RASGRF1: variants seen among roughly 807,000 people sequenced by gnomAD.
RASGRF1 encodes the protein Ras protein specific guanine nucleotide releasing factor 1, also known as ras-specific guanine nucleotide-releasing factor 1.
A neutral mutation model predicts 138.7 loss-of-function variants in RASGRF1; 40 were observed. The observed-to-expected ratio is 0.29, with a 90% CI of 0.22 to 0.38. The LOEUF is 0.38. Ranked by LOEUF, RASGRF1 falls within the 10% of genes least tolerant of loss-of-function variation. The pLI is 1.00. For synonymous variants in RASGRF1, 614 were observed against 663.2 expected (o/e 0.93, Z 1.14); for missense variants, 1,108 against 1,650.4 (o/e 0.67, Z 5.69).
chr15:78,971,360 A>G (rs1452316109), intron 26 of RASGRF1, among the ~76,000 whole-genome samples: 1 of 152,236 alleles, frequency 6.6e-6, no homozygotes, highest in African/African-American at 2.4e-5. Context: ...ATGATCTCCA[A>G]GATATATTAT....
intron 13 of RASGRF1, among the ~76,000 whole-genome samples, chr15:79,007,883 T>C (rs979263513): frequency 5.9e-5 from 9 of 151,368 alleles, no homozygotes; most frequent in Admixed American, 3.3e-4. Context: ...TTTTTTCTGT[T>C]TTTTGAGATG....
intron 24 of RASGRF1, chr15:78,979,238 G>T: frequency 8.3e-7 from 1 of 1,209,524 alleles, no homozygotes; most frequent in Non-Finnish European, 1.1e-6. Flanking sequence ...AGATGGTCAA[G>T]GCGATGGCAC....
In RASGRF1 at chr15:78,987,826, G is replaced by A. The variant is rs143317230; in HGVS notation, c.3216+2363C>T. On this transcript the variant is annotated intron_variant, in intron 22 of 26. Transcript: ENST00000558480. ...GACTAGGGTGAGGCAGTTGAGGTGTGGGGTACAAGTGCAGAAGGGCGAGTA... is the reference window on the plus strand; with the variant it reads ...GACTAGGGTGAGGCAGTTGAGGTGTAGGGTACAAGTGCAGAAGGGCGAGTA... 2.5e-3 allele frequency among the ~76,000 whole-genome samples: 385 copies of A among 152,308 alleles called. 3 individuals carry two copies. The highest frequency in any genetic ancestry group is 9.0e-3 in the African/African-American group (375 of 41,558).
Position 79,021,086 on chromosome 15 carries a change from T to A in RASGRF1, c.1543-982A>T, listed in dbSNP as rs80017568. Among the ~76,000 whole-genome samples, 1,224 of 152,302 alleles carry A rather than the reference T, an allele frequency of 8.0e-3. 6 individuals carry two copies. Among genetic ancestry groups the A allele is most frequent in the Admixed American group, 0.017 (260 of 15,290 alleles). On this transcript the variant is annotated intron_variant, in intron 10 of 26. Coordinates refer to ENST00000558480, the MANE Select transcript of RASGRF1 (RefSeq NM_001145648.3). ...TGGAAAAGGATACCCCGGCCCCAGT[T>A]GAACCTTCGGAACACTGCAGCCCCA...
chr15:78,990,713 C>A (rs1290197632), intron 21 of RASGRF1, among the ~76,000 whole-genome samples: 1 of 152,174 alleles, frequency 6.6e-6, no homozygotes, highest in Non-Finnish European at 1.5e-5. Context: ...GCTTAAAAAG[C>A]CTGCAAGCCA....
intron 23 of RASGRF1, 32 bp downstream of exon 23, chr15:78,984,975 G>A (rs368817921): frequency 6.2e-7 from 1 of 1,600,966 alleles, no homozygotes; most frequent in African/African-American, 1.3e-5. Flanking sequence ...TCCAGCCCCA[G>A]GGAGGCAGTG....
At chr15:78,981,470 A>C (rs1048484392) in intron 23 of RASGRF1, 2 of 152,200 alleles carry the variant, frequency 1.3e-5, no homozygotes, top group African/African-American at 4.8e-5. Context: ...CAAGATTCAG[A>C]ATGTGGCTGA....
chr15:79,007,865 C>CTT (rs576133293), intron 13 of RASGRF1, among the ~76,000 whole-genome samples: 11 of 142,464 alleles, frequency 7.7e-5, no homozygotes, highest in Non-Finnish European at 1.1e-4. Context: ...TCTAGTTTTT[C>CTT]TTTTTTTTTT....
Position 79,001,782 on chromosome 15 carries a change from C to A in RASGRF1, c.2455G>T (p.Glu819Ter). The A allele has an allele frequency of 6.8e-7, 1 of 1,477,018 alleles. No individual in the cohort carries two copies. The highest frequency in any genetic ancestry group is 2.0e-5 in the Admixed American group (1 of 49,712). The allele number at this position is 1,477,018 out of a possible 1,614,324, so 91.5% of individuals were successfully genotyped here. ...DPSALSKQSS[E>*]VSMREESDID... ...TCTGACTCCTCTCTCATGGAGACTT[C>A]TGAGCCTGGGAGAAAAGAAATAAAT... Residue 819 changes from glutamate (E) to a stop codon, truncating the protein, a stop_gained, in exon 16 of 27, where the codon GAA becomes TAA. Transcript: ENST00000558480. LOFTEE classifies it high-confidence loss of function.
At chr15:78,984,950 C>T (rs2056116963) in intron 23 of RASGRF1, 57 bp downstream of exon 23, 1 of 1,564,798 alleles carries the variant, frequency 6.4e-7, no homozygotes, top group African/African-American at 1.4e-5. Context: ...ACGGGTCTTC[C>T]TGCCCTAGCC....
chr15:79,069,257 C>T (rs1449098086), intron 1 of RASGRF1, among the ~76,000 whole-genome samples: 1 of 152,158 alleles, frequency 6.6e-6, no homozygotes, highest in Non-Finnish European at 1.5e-5. Flanking sequence ...TGATGACATC[C>T]TGATGAGGCA....
intron 16 of RASGRF1, among the ~76,000 whole-genome samples, chr15:79,001,301 C>T (rs2056518041): frequency 1.3e-5 from 2 of 150,066 alleles, no homozygotes; most frequent in African/African-American, 5.0e-5. Flanking sequence ...CCCACCTGTG[C>T]TGGGGTTCAG....
intron 13 of RASGRF1, among the ~76,000 whole-genome samples, chr15:79,008,519 T>C (rs2056730941): frequency 6.6e-6 from 1 of 152,240 alleles, no homozygotes; most frequent in Non-Finnish European, 1.5e-5. Context: ...CTATGGGACC[T>C]TGAGAAGCAA....
intron 1 of RASGRF1, among the ~76,000 whole-genome samples, chr15:79,078,481 G>A (rs759542482): frequency 4.6e-5 from 7 of 152,184 alleles, no homozygotes; most frequent in Non-Finnish European, 8.8e-5. Context: ...AATACTTCCT[G>A]CACTTGTGGG....
At chr15:78,984,798 A>T in intron 23 of RASGRF1, 1 of 587,794 alleles carries the variant, frequency 1.7e-6, no homozygotes, top group Admixed American at 2.8e-5. Context: ...TCAAGTGGGG[A>T]TTACAGTCCA....
intron 1 of RASGRF1, among the ~76,000 whole-genome samples, chr15:79,083,274 C>T (rs999890180): frequency 6.6e-6 from 1 of 152,238 alleles, no homozygotes; most frequent in Admixed American, 6.5e-5. Flanking sequence ...CCCAGCTGCT[C>T]CCTGCACGAC....
intron 1 of RASGRF1, among the ~76,000 whole-genome samples, chr15:79,075,486 T>G (rs755283943): frequency 1.1e-4 from 17 of 152,122 alleles, no homozygotes; most frequent in Non-Finnish European, 1.5e-4. Flanking sequence ...CCCAGGTCAG[T>G]CTGGAGCTGG....
rs1053942657 is a variant in RASGRF1 at position 78,967,132 on chromosome 15, T to A, written c.3681+4734A>T. ...GGCAGACCCTGTCTCTATAAAAAAA[T>A]AAAAAATTAGCTGGGTGTGGTCATA... is the stretch of plus-strand genomic sequence containing the variant. On this transcript the variant is annotated intron_variant, in intron 26 of 26. Transcript: ENST00000558480. 2.0e-4 allele frequency among the ~76,000 whole-genome samples: 31 copies of A among 151,478 alleles called. 1 individual carries two copies. The highest frequency in any genetic ancestry group is 6.6e-4 in the Admixed American group (10 of 15,216).
Position 79,090,732 on chromosome 15 carries a change from CG to C in RASGRF1, c.-235del. The C allele has an allele frequency of 5.2e-6, 3 of 576,044 alleles. No individual in the cohort carries two copies. Among genetic ancestry groups the C allele is most frequent in the Non-Finnish European group, 8.8e-6 (3 of 340,490 alleles). 35.7% of individuals were successfully genotyped at this position (576,044 alleles called of 1,614,324 possible). A position where few individuals can be genotyped will look rare whatever the true frequency, so the allele number is the denominator to read the frequency against. The stretch of plus-strand genomic sequence containing the variant: ...CTCCGCTCCGCAGAGCCCCAGTACC[CG>C]GAAGATGCCGCCCGACCCTCCTCCG... On this transcript the variant is annotated 5_prime_UTR_variant, in exon 1 of 27. Coordinates refer to ENST00000558480, the MANE Select transcript of RASGRF1 (RefSeq NM_001145648.3).
Sources: gnomAD v4.1 joint callset for allele counts (sites outside exome capture counted in the v4.1 genomes callset) on GRCh38, gnomAD v4.1.1 for gene constraint, MANE v1.5 for transcripts, NCBI Gene and HGNC (gene_info 2026-07-23, HGNC 2026-07-21) for gene names.